The following CREG1 variants were observed in gnomAD, a reference collection of about 807,000 sequenced individuals.
CREG1 encodes protein CREG1.
In CREG1, 20 loss-of-function variants were observed where a neutral mutation model predicts 19.9. That is an observed-to-expected ratio of 1.01 (90% CI 0.71 to 1.46). The LOEUF is 1.46. Among genes scored for constraint, CREG1 ranks in the 40% most tolerant of loss-of-function variants. The pLI is 0.00. For missense variants in CREG1, 290 were observed against 314.9 expected, an observed-to-expected ratio of 0.92 and a Z score of 0.60; for synonymous variants, 141 against 143.3, an observed-to-expected ratio of 0.98 and a Z score of 0.12.
chr1:167,543,935 T>C (rs1050529624), intron 3 of CREG1, among the ~76,000 whole-genome samples: 1 of 152,268 alleles, frequency 6.6e-6, no homozygotes, highest in African/African-American at 2.4e-5. Flanking sequence ...GAAAACAGTT[T>C]TATTTTGTTA....
Position 167,548,016 on chromosome 1 carries a change from C to T in CREG1, c.460G>A (p.Gly154Arg). ...TAACTACTTACCTTGGTCACAGTTC[C>T]TGACAGCATTATGTGAACACAAAGG... ...SPLCVHIMLS[G>R]TVTKVNETEM... Residue 154 changes from glycine to arginine, a missense_variant, in exon 2 of 4, where the codon GGA (glycine) becomes AGA (arginine). Coordinates refer to ENST00000370509, the MANE Select transcript of CREG1 (RefSeq NM_003851.3). 1 of 1,613,080 alleles carries T rather than the reference C, an allele frequency of 6.2e-7. No individual in the cohort carries two copies. The highest frequency in any genetic ancestry group is 8.5e-7 in the Non-Finnish European group (1 of 1,179,092).
In CREG1 at chr1:167,553,518, G is replaced by C; in HGVS notation, c.224C>G (p.Ser75Cys). The C allele has an allele frequency of 6.7e-7, 1 of 1,489,446 alleles. No individual in the cohort carries two copies. The highest frequency in any genetic ancestry group is 2.9e-5 in the East Asian group (1 of 34,494). The allele number at this position is 1,489,446 out of a possible 1,614,324, so 92.3% of individuals were successfully genotyped here. ...VSDWGALATI[S>C]TLEAVRGRPF... ...CCGGCCGCGCACCGCCTCCAGCGTG[G>C]AGATGGTGGCCAGAGCGCCCCAGTC... Residue 75 changes from serine (S) to cysteine (C), a missense_variant, in exon 1 of 4, where the codon TCC (serine) becomes TGC (cysteine). By Grantham distance (112) the Ser-to-Cys change is moderately radical (BLOSUM62 -1). Coordinates refer to ENST00000370509, the MANE Select transcript of CREG1 (RefSeq NM_003851.3).
In CREG1 at chr1:167,542,000, AC is replaced by A; in HGVS notation, c.*297del. 3 of 288,468 alleles carry A rather than the reference AC, an allele frequency of 1.0e-5. 1 individual carries two copies. In the South Asian group the frequency reaches 2.3e-4, roughly 22 times the overall value. 17.9% of individuals were successfully genotyped at this position (288,468 alleles called of 1,614,324 possible). On this transcript the variant is annotated 3_prime_UTR_variant, in exon 4 of 4. Transcript: ENST00000370509. Reference sequence around the variant, plus strand: ...GTACTCATTCCTCTTCAAGAGCACCACTGGAAACATCTTTGGAATTGATGGG... The same window carrying A: ...GTACTCATTCCTCTTCAAGAGCACCATGGAAACATCTTTGGAATTGATGGG...
chr1:167,550,974 C>A (rs1194759649), intron 1 of CREG1, among the ~76,000 whole-genome samples: 1 of 152,054 alleles, frequency 6.6e-6, no homozygotes, highest in Non-Finnish European at 1.5e-5. Flanking sequence ...GAAAAGAATG[C>A]CAAAATGGAA....
intron 3 of CREG1, among the ~76,000 whole-genome samples, chr1:167,543,173 G>A (rs1656255129): frequency 6.6e-6 from 1 of 151,656 alleles, no homozygotes; most frequent in African/African-American, 2.4e-5. Context: ...CATGAACCCA[G>A]GAGGCAGAGC....
chr1:167,553,555 T>C lies in CREG1; in HGVS notation c.187A>G (p.Thr63Ala). 1 of 1,468,404 alleles carries C rather than the reference T, an allele frequency of 6.8e-7. No individual in the cohort carries two copies. The allele number at this position is 1,468,404 out of a possible 1,614,324, so 91.0% of individuals were successfully genotyped here. Residue 63 changes from threonine (T) to alanine (A), a missense_variant, in exon 1 of 4, where the codon ACG becomes GCG. Transcript: ENST00000370509. ...AGAGCGCCCCAGTCGGAGACGTGCG[T>C]CACGAAGCGGGCCACGCGCGCCGCG... ...EDAARVARFVTHVSDWGALAT... is the reference protein window; with the variant it reads ...EDAARVARFVAHVSDWGALAT...
intron 3 of CREG1, among the ~76,000 whole-genome samples, chr1:167,544,371 A>C (rs1656283311): frequency 6.8e-6 from 1 of 147,628 alleles, no homozygotes; most frequent in Non-Finnish European, 1.5e-5. Context: ...GTAGGGAGTC[A>C]ATAGTTCAAC....
chr1:167,546,015 T>A (rs1334933312), intron 3 of CREG1, 86 bp downstream of exon 3: 2 of 1,176,884 alleles, frequency 1.7e-6, no homozygotes, highest in Non-Finnish European at 2.4e-6. Context: ...CCAGGGCACA[T>A]GAAACGGTTA....
intron 3 of CREG1, 76 bp from the exon 4 acceptor site, chr1:167,542,377 A>G: frequency 7.3e-7 from 1 of 1,369,998 alleles, no homozygotes; most frequent in Middle Eastern, 2.4e-4. Context: ...ATTCTAGGGA[A>G]GGACTAGATA....
intron 3 of CREG1, among the ~76,000 whole-genome samples, chr1:167,545,813 A>C (rs1378953833): frequency 6.6e-6 from 1 of 152,186 alleles, no homozygotes; most frequent in Non-Finnish European, 1.5e-5. Context: ...TTGAAAAAAA[A>C]AGAAAAAGTA....
Position 167,546,216 on chromosome 1 carries a change from G to A in CREG1, c.544C>T (p.Pro182Ser). 1.2e-6 allele frequency: 2 copies of A among 1,613,120 alleles called. No individual in the cohort carries two copies. Among genetic ancestry groups the A allele is most frequent in the East Asian group, 2.2e-5 (1 of 44,838 alleles). ...FIRHPEMKTW[P>S]SSHNWFFAKL... ...GCAAAGAACCAATTATGGCTGGAAG[G>A]CCAGGTTTTCATCTCAGGGTGTCGA... is the stretch of plus-strand genomic sequence containing the variant. The change falls in exon 3 of 4, where the codon CCT becomes TCT. Residue 182 changes from proline (P) to serine (S), a missense_variant. Transcript: ENST00000370509.
chr1:167,543,392 A>G (rs913149094), intron 3 of CREG1, among the ~76,000 whole-genome samples: 3 of 152,220 alleles, frequency 2.0e-5, no homozygotes, highest in East Asian at 3.8e-4. Flanking sequence ...TAAGCTCCGT[A>G]TCAGCTCTCA....
chr1:167,550,290 T>C (rs1224808939), intron 1 of CREG1, among the ~76,000 whole-genome samples: 1 of 152,208 alleles, frequency 6.6e-6, no homozygotes, highest in Non-Finnish European at 1.5e-5. Context: ...CACCCGCCTC[T>C]ATATGCATTT....
rs932531155 is a variant in CREG1 at position 167,547,903 on chromosome 1, A to G, written c.474+99T>C. The stretch of plus-strand genomic sequence containing the variant: ...ACCACTGCACTCCAGCCTGGGAGAC[A>G]GAGTGAGACTCTGTCTCAAAAGAAA... On this transcript the variant is annotated intron_variant, in intron 2 of 3. Coordinates refer to ENST00000370509, the MANE Select transcript of CREG1 (RefSeq NM_003851.3). The G allele has an allele frequency of 2.1e-5, 28 of 1,347,296 alleles. No individual in the cohort carries two copies. In the South Asian group the frequency reaches 3.6e-4, roughly 17 times the overall value. 83.5% of individuals were successfully genotyped at this position (1,347,296 alleles called of 1,614,324 possible). A position where few individuals can be genotyped will look rare whatever the true frequency, so the allele number is the denominator to read the frequency against.
chr1:167,543,712 C>A (rs961532012), intron 3 of CREG1, among the ~76,000 whole-genome samples: 2 of 152,228 alleles, frequency 1.3e-5, no homozygotes, highest in African/African-American at 4.8e-5. Flanking sequence ...GGCACCCGGT[C>A]AGAGCGGGCA....
rs546243208 is a variant in CREG1, at chr1:167,544,141, A to C, written c.660-1840T>G. ...TGAAGTCAGATGGCTTTGCCAGCCC[A>C]GAAGACGACCAGTGGCCCGTGCCTC... On this transcript the variant is annotated intron_variant, in intron 3 of 3. Coordinates refer to ENST00000370509, the MANE Select transcript of CREG1 (RefSeq NM_003851.3). 9.8e-5 allele frequency among the ~76,000 whole-genome samples: 15 copies of C among 152,318 alleles called. No homozygotes were observed. In the East Asian group the frequency reaches 2.9e-3, roughly 29 times the overall value.
intron 1 of CREG1, 143 bp downstream of exon 1, chr1:167,553,245 C>A: frequency 1.5e-6 from 1 of 646,824 alleles, no homozygotes; most frequent in Admixed American, 4.3e-5. Flanking sequence ...CTGCAACGCC[C>A]ACCTACCTGC....
At chr1:167,552,914 G>T (rs892997290) in intron 1 of CREG1, among the ~76,000 whole-genome samples, 3 of 152,060 alleles carry the variant, frequency 2.0e-5, no homozygotes, top group African/African-American at 7.3e-5. Context: ...GGGTGTGGTG[G>T]CACGCACCTG....
At chr1:167,545,339 T>C (rs561680678) in intron 3 of CREG1, among the ~76,000 whole-genome samples, 1 of 151,824 alleles carries the variant, frequency 6.6e-6, no homozygotes, top group African/African-American at 2.4e-5. Flanking sequence ...CTCAAAAAAA[T>C]TTTTTTTTCA....
Sources: gnomAD v4.1 joint callset for allele counts (sites outside exome capture counted in the v4.1 genomes callset) on GRCh38, gnomAD v4.1.1 for gene constraint, MANE v1.5 for transcripts, NCBI Gene and HGNC (gene_info 2026-07-23, HGNC 2026-07-21) for gene names.